RARB: variants seen among roughly 807,000 people sequenced by gnomAD.
RARB encodes the protein retinoic acid receptor beta, also known as HBV-activated protein.
In RARB, 17 loss-of-function variants were observed where a neutral mutation model predicts 51.9. That is an observed-to-expected ratio of 0.33 (90% CI 0.22 to 0.49). The LOEUF (loss-of-function observed/expected upper bound fraction) is 0.49. Among genes scored for constraint, RARB ranks in the 20% least tolerant of loss-of-function variants. RARB has a pLI of 0.99. For synonymous variants in RARB, 215 were observed against 195.4 expected (o/e 1.10, Z -0.84); for missense variants, 369 against 550.8 (o/e 0.67, Z 3.30).
intron 3 of RARB, among the ~76,000 whole-genome samples, chr3:25,550,933 G>A (rs1014701943): frequency 2.0e-5 from 3 of 152,084 alleles, no homozygotes; most frequent in Non-Finnish European, 4.4e-5. Context: ...TCCTTTTTAC[G>A]ACTGCATAGT....
At chr3:24,986,053 A>T (rs1287301738) in intron 2 of RARB, among the ~76,000 whole-genome samples, 5 of 152,256 alleles carry the variant, frequency 3.3e-5, no homozygotes, top group African/African-American at 1.2e-4. Context: ...TATAATTCTA[A>T]GAACCACGGG....
chr3:25,593,520 C>T lies in RARB; in HGVS notation c.804C>T (p.Thr268=), dbSNP rs1701695904. Reference sequence around the variant, plus strand: ...CCTTCCAGATTCTTAGAATTTGCACCAGGTATACCCCAGAACAAGACACCA... The same window carrying T: ...CCTTCCAGATTCTTAGAATTTGCACTAGGTATACCCCAGAACAAGACACCA... The part of the protein sequence containing the change: ...CLDILILRIC[T]RYTPEQDTMT... The change falls in exon 6 of 8, where the codon ACC becomes ACT. Residue 268 remains threonine (T), a synonymous_variant. Transcript: ENST00000330688. The T allele has an allele frequency of 6.2e-7, 1 of 1,613,736 alleles. No individual in the cohort carries two copies. Among genetic ancestry groups the T allele is most frequent in the Non-Finnish European group, 8.5e-7 (1 of 1,179,822 alleles).
At chr3:25,378,164 A>G (rs970544140) in intron 5 of RARB, among the ~76,000 whole-genome samples, 7 of 152,152 alleles carry the variant, frequency 4.6e-5, no homozygotes, top group South Asian at 2.1e-4. Context: ...AAATCACCAC[A>G]TTGCATTAGC....
intron 3 of RARB, among the ~76,000 whole-genome samples, chr3:25,072,039 G>A (rs905375261): frequency 6.6e-6 from 1 of 152,188 alleles, no homozygotes; most frequent in Admixed American, 6.5e-5. Context: ...TGTTGTCTTT[G>A]CCCTGTGGCG....
At chr3:25,209,327 C>A (rs777638886) in intron 5 of RARB, among the ~76,000 whole-genome samples, 1 of 152,170 alleles carries the variant, frequency 6.6e-6, no homozygotes, top group Admixed American at 6.5e-5. Flanking sequence ...AGCATGAGCA[C>A]CTTTTTAGGT....
chr3:25,508,217 T>C (rs1264467741), intron 3 of RARB, among the ~76,000 whole-genome samples: 2 of 152,224 alleles, frequency 1.3e-5, no homozygotes, highest in African/African-American at 2.4e-5. Flanking sequence ...ACCTTCTCAT[T>C]TGGGGCATAT....
intron 2 of RARB, among the ~76,000 whole-genome samples, chr3:24,952,596 C>G (rs1460562245): frequency 6.6e-6 from 1 of 152,154 alleles, no homozygotes; most frequent in African/African-American, 2.4e-5. Context: ...TACTCACTCT[C>G]AGTCTCTATC....
intron 5 of RARB, among the ~76,000 whole-genome samples, chr3:25,204,801 A>G (rs1701492253): frequency 6.6e-6 from 1 of 152,188 alleles, no homozygotes; most frequent in South Asian, 2.1e-4. Context: ...GTCTCAGAGT[A>G]GTACCCAGCC....
chr3:25,141,338 C>T (rs1700103642), intron 4 of RARB, among the ~76,000 whole-genome samples: 1 of 151,918 alleles, frequency 6.6e-6, no homozygotes, highest in African/African-American at 2.4e-5. Context: ...ATAGAATTAA[C>T]TTCGGGTTCC....
chr3:25,323,760 C>T (rs1021817089), intron 5 of RARB, among the ~76,000 whole-genome samples: 2 of 152,122 alleles, frequency 1.3e-5, no homozygotes, highest in Admixed American at 1.3e-4. Context: ...AAAACATAAA[C>T]CACAGCCCTA....
intron 2 of RARB, among the ~76,000 whole-genome samples, chr3:25,044,083 T>C (rs186086627): frequency 6.6e-6 from 1 of 152,134 alleles, no homozygotes; most frequent in East Asian, 1.9e-4. Flanking sequence ...TAAATGAAAA[T>C]GAATCAACAG....
intron 5 of RARB, among the ~76,000 whole-genome samples, chr3:25,344,148 C>T (rs534626876): frequency 2.0e-5 from 3 of 152,226 alleles, no homozygotes; most frequent in Middle Eastern, 3.4e-3. Flanking sequence ...GGTGATGGGG[C>T]ATATTAAACT....
At chr3:24,946,201 T>C (rs1188531980) in intron 2 of RARB, among the ~76,000 whole-genome samples, 1 of 149,862 alleles carries the variant, frequency 6.7e-6, no homozygotes, top group Non-Finnish European at 1.5e-5. Context: ...GAGGCAGAGC[T>C]TGCAGTGAGC....
At chr3:24,834,233 G>A (rs891787765) in intron 1 of RARB, among the ~76,000 whole-genome samples, 2 of 152,140 alleles carry the variant, frequency 1.3e-5, no homozygotes, top group South Asian at 2.1e-4. Context: ...GCCAAATTTG[G>A]AACACAGTAC....
At chr3:25,249,802 TGTCAGGTAA>T (rs1187960355) in intron 5 of RARB, among the ~76,000 whole-genome samples, 2 of 64,302 alleles carry the variant, frequency 3.1e-5, no homozygotes, top group African/African-American at 1.6e-4. Flanking sequence ...GGGATGGGGA[TGTCAGGTAA>T]GTCAGGTAAG....
intron 5 of RARB, among the ~76,000 whole-genome samples, chr3:25,257,781 G>C (rs113854281): frequency 5.9e-5 from 9 of 151,782 alleles, no homozygotes; most frequent in African/African-American, 2.2e-4. Context: ...TCTCTTCCAG[G>C]CTCCTTATTT....
chr3:24,953,625 T>C (rs1023147930), intron 2 of RARB, among the ~76,000 whole-genome samples: 9 of 152,194 alleles, frequency 5.9e-5, no homozygotes, highest in Admixed American at 2.0e-4. Context: ...AGATGATAGA[T>C]AGACACTGAA....
intron 2 of RARB, among the ~76,000 whole-genome samples, chr3:25,476,186 G>C (rs1192076287): frequency 6.6e-6 from 1 of 152,146 alleles, no homozygotes; most frequent in Non-Finnish European, 1.5e-5. Flanking sequence ...AAATGGAGTA[G>C]ATGAAAATGC....
chr3:25,087,115 T>C (rs939506753), intron 3 of RARB, among the ~76,000 whole-genome samples: 8 of 152,166 alleles, frequency 5.3e-5, no homozygotes, highest in Admixed American at 4.6e-4. Context: ...TGGTATCTTA[T>C]TGCTACAAAG....
Sources: gnomAD v4.1 joint callset for allele counts (sites outside exome capture counted in the v4.1 genomes callset) on GRCh38, gnomAD v4.1.1 for gene constraint, MANE v1.5 for transcripts, NCBI Gene and HGNC (gene_info 2026-07-23, HGNC 2026-07-21) for gene names.